Variants in SHQ1 observed in about 807,000 individuals in gnomAD.
The protein encoded by SHQ1 is SHQ1, H/ACA ribonucleoprotein assembly factor, also known as protein SHQ1 homolog.
SHQ1 carries 49 observed loss-of-function variants against 53.8 expected under a neutral mutation model. The observed-to-expected ratio is 0.91, with a 90% CI of 0.72 to 1.16. SHQ1 has a LOEUF of 1.16. Among genes scored for constraint, SHQ1 ranks in the 50% most tolerant of loss-of-function variants. The pLI is 0.00. For missense variants in SHQ1, 738 were observed against 683.1 expected, an observed-to-expected ratio of 1.08 and a Z score of -0.90; for synonymous variants, 243 against 251.0, an observed-to-expected ratio of 0.97 and a Z score of 0.30.
chr3:72,757,677 C>A (rs1705526863), intron 10 of SHQ1, among the ~76,000 whole-genome samples: 1 of 152,180 alleles, frequency 6.6e-6, no homozygotes, highest in South Asian at 2.1e-4. Context: ...TTTGTAGCAA[C>A]ATGGATGGAG....
Position 72,750,535 on chromosome 3 carries a change from A to C in SHQ1, c.1483T>G (p.Phe495Val), listed in dbSNP as rs1157806749. 5.0e-6 allele frequency: 8 copies of C among 1,614,100 alleles called. No individual in the cohort carries two copies. The Admixed American group carries it at 1.3e-4, about 27-fold the overall frequency. ...AGAAAGGCACTGCTTTCTTCAAGAAAGGGACCTTGCAAAGAACTGACTGTC... is the reference window on the plus strand; with the variant it reads ...AGAAAGGCACTGCTTTCTTCAAGAACGGGACCTTGCAAAGAACTGACTGTC... The part of the protein sequence containing the change: ...SETVSSLQGP[F>V]LEESSAFLIV... The change falls in exon 11 of 11, where the codon TTT becomes GTT. Residue 495 changes from phenylalanine to valine, a missense_variant. Transcript: ENST00000325599.
At chr3:72,759,790 G>C (rs1705572583) in intron 10 of SHQ1, among the ~76,000 whole-genome samples, 1 of 152,162 alleles carries the variant, frequency 6.6e-6, no homozygotes, top group Non-Finnish European at 1.5e-5. Context: ...ACAATATGTA[G>C]GTTAAAACTG....
downstream of SHQ1, among the ~76,000 whole-genome samples, chr3:72,745,295 C>A (rs1017986696): frequency 6.6e-6 from 1 of 152,058 alleles, no homozygotes; most frequent in Non-Finnish European, 1.5e-5. Flanking sequence ...AGCTGTCAAC[C>A]AATTTAGAAT....
chr3:72,806,535 T>C (rs1706952456), intron 9 of SHQ1, among the ~76,000 whole-genome samples: 1 of 152,106 alleles, frequency 6.6e-6, no homozygotes, highest in African/African-American at 2.4e-5. Flanking sequence ...AATTAAGCAA[T>C]AATATTTAAA....
intron 10 of SHQ1, among the ~76,000 whole-genome samples, chr3:72,763,392 C>A (rs147096857): frequency 4.1e-4 from 63 of 152,252 alleles, no homozygotes; most frequent in African/African-American, 1.5e-3. Flanking sequence ...CCAAATGAAA[C>A]GGCTGTTTGG....
intron 10 of SHQ1, among the ~76,000 whole-genome samples, chr3:72,770,492 C>T (rs1347519447): frequency 6.6e-6 from 1 of 152,190 alleles, no homozygotes; most frequent in Non-Finnish European, 1.5e-5. Context: ...AGCCAGACTA[C>T]ATCTCAGAAG....
chr3:72,782,747 T>C lies in SHQ1; in HGVS notation c.1181+10169A>G, dbSNP rs549554378. Among the ~76,000 whole-genome samples, 10 of 152,340 alleles carry C rather than the reference T, an allele frequency of 6.6e-5. 1 individual carries two copies. In the South Asian group the frequency reaches 1.9e-3, roughly 28 times the overall value. ...TTGTACTTGAAGTTGTCAGCTTTTT[T>C]AAAAAGCTTTCTCGTGACTCCATTG... is the stretch of plus-strand genomic sequence containing the variant. On this transcript the variant is annotated intron_variant, in intron 10 of 10. Transcript: ENST00000325599.
intron 1 of SHQ1, among the ~76,000 whole-genome samples, chr3:72,844,660 T>C (rs1164924042): frequency 6.6e-6 from 1 of 152,136 alleles, no homozygotes; most frequent in Non-Finnish European, 1.5e-5. Flanking sequence ...AAATAGATAC[T>C]GAAAAAGAAA....
chr3:72,844,290 G>A (rs1013869158), intron 2 of SHQ1, 69 bp downstream of exon 2: 2 of 1,311,778 alleles, frequency 1.5e-6, no homozygotes, highest in Non-Finnish European at 2.2e-6. Flanking sequence ...ATGGTATCTT[G>A]TAAGATTATT....
chr3:72,783,533 C>T (rs960976232), intron 10 of SHQ1, among the ~76,000 whole-genome samples: 1 of 151,904 alleles, frequency 6.6e-6, no homozygotes, highest in Non-Finnish European at 1.5e-5. Flanking sequence ...AAGCTGGTCT[C>T]GAACTCCTGT....
chr3:72,800,302 T>TA (rs1706747668), intron 9 of SHQ1, among the ~76,000 whole-genome samples: 1 of 152,256 alleles, frequency 6.6e-6, no homozygotes, highest in South Asian at 2.1e-4. Flanking sequence ...GGTATTCTGT[T>TA]ACAGCAGCAC....
At chr3:72,740,458 A>G in the SHQ1 span, among the ~76,000 whole-genome samples, 3 of 152,234 alleles carry the variant, frequency 2.0e-5, no homozygotes, top group Non-Finnish European at 4.4e-5. Flanking sequence ...ACATTGTTGG[A>G]TGGCTGGTTA....
intron 10 of SHQ1, among the ~76,000 whole-genome samples, chr3:72,783,211 T>C (rs1385652134): frequency 1.3e-5 from 2 of 152,130 alleles, no homozygotes; most frequent in Non-Finnish European, 2.9e-5. Flanking sequence ...TTGATATACA[T>C]ACTACTCCCT....
In SHQ1 at chr3:72,793,045, A is replaced by G. The variant is rs1439851567; in HGVS notation, c.1061-9T>C. On this transcript the variant is annotated splice_polypyrimidine_tract_variant and intron_variant, in intron 9 of 10. Transcript: ENST00000325599. ...TAAAACTGCACTTTTACCTAAAGAA[A>G]ATTGAAAAAACATAAAATTATCCTT... The G allele has an allele frequency of 6.3e-7, 1 of 1,593,938 alleles. No homozygotes were observed. The highest frequency in any genetic ancestry group is 1.4e-5 in the African/African-American group (1 of 73,744).
chr3:72,840,904 CT>C (rs1708160463), intron 4 of SHQ1, 140 bp downstream of exon 4: 1 of 928,762 alleles, frequency 1.1e-6, no homozygotes, highest in Admixed American at 2.7e-5. Context: ...CATCTATGTA[CT>C]TTAGCTGTGC....
At chr3:72,736,715 C>A in the SHQ1 span, among the ~76,000 whole-genome samples, 2 of 145,066 alleles carry the variant, frequency 1.4e-5, no homozygotes, top group Non-Finnish European at 3.0e-5. Context: ...ATTGCTTGAA[C>A]CCAGGAGGCA....
chr3:72,738,705 G>C, the SHQ1 span, among the ~76,000 whole-genome samples: 1 of 152,154 alleles, frequency 6.6e-6, no homozygotes. Flanking sequence ...ACCTTCTGTA[G>C]CTCTGCTCAG....
the SHQ1 span, among the ~76,000 whole-genome samples, chr3:72,729,819 A>T: frequency 2.0e-5 from 3 of 152,000 alleles, no homozygotes; most frequent in African/African-American, 7.3e-5. Flanking sequence ...ATTTTATTTT[A>T]TTTTATTTAT....
intron 9 of SHQ1, among the ~76,000 whole-genome samples, chr3:72,809,198 G>C (rs1007744452): frequency 2.0e-5 from 3 of 152,110 alleles, no homozygotes; most frequent in Non-Finnish European, 4.4e-5. Flanking sequence ...AAAGTGAAAG[G>C]GGTCCTCCTC....
Sources: allele counts gnomAD v4.1 joint callset (sites outside exome capture counted in the v4.1 genomes callset), GRCh38; gene constraint gnomAD v4.1.1; transcripts MANE v1.5; gene names NCBI Gene and HGNC (gene_info 2026-07-23, HGNC 2026-07-21).